The following CFTR variants were observed in gnomAD, a reference collection of about 807,000 sequenced individuals.
CFTR encodes CF transmembrane conductance regulator.
Under a neutral mutation model 171.6 loss-of-function variants are expected in CFTR, and 181 were observed. That is an observed-to-expected ratio of 1.05 (90% CI 0.93 to 1.19). CFTR has a LOEUF of 1.19. Among genes scored for constraint, CFTR ranks in the 50% most tolerant of loss-of-function variants. The probability of loss-of-function intolerance (pLI) is 0.00; values close to 1 mark genes in which losing one functional copy is unlikely to be tolerated. For missense variants in CFTR, 1,968 were observed against 1,734.7 expected (o/e 1.13, Z -2.39); for synonymous variants, 583 against 608.0 (o/e 0.96, Z 0.60).
rs1267579802 is a variant in CFTR, at chr7:117,534,315, A to G, written c.529A>G (p.Ile177Val). ...LSSRVLDKIS[I>V]GQLVSLLSNN... ...AAGCCGTGTTCTAGATAAAATAAGT[A>G]TTGGACAACTTGTTAGTCTCCTTTC... is the stretch of plus-strand genomic sequence containing the variant. The change falls in exon 5 of 27, where the codon ATT becomes GTT. Residue 177 changes from isoleucine to valine, a missense_variant. Transcript: ENST00000003084. 6.2e-7 allele frequency: 1 copy of G among 1,605,436 alleles called. No individual in the cohort carries two copies. Among genetic ancestry groups the G allele is most frequent in the South Asian group, 1.1e-5 (1 of 90,908 alleles).
chr7:117,667,093 A>C lies in CFTR; in HGVS notation c.4428A>C (p.Gln1476His), dbSNP rs1233730802. ...AAGAGGAGACAGAAGAAGAGGTGCA[A>C]GATACAAGGCTTTAGAGAGCAGCAT... ...ALKEETEEEV[Q>H]DTRL is the part of the protein sequence containing the mutation. The change falls in exon 27 of 27, where the codon CAA (glutamine) becomes CAC (histidine). Residue 1476 changes from glutamine to histidine, a missense_variant. Gln to His is a conservative substitution (Grantham distance 24). Coordinates refer to ENST00000003084, the MANE Select transcript of CFTR (RefSeq NM_000492.4). 1 of 1,613,844 alleles carries C rather than the reference A, an allele frequency of 6.2e-7. No homozygotes were observed. Among genetic ancestry groups the C allele is most frequent in the African/African-American group, 1.3e-5 (1 of 74,920 alleles).
chr7:117,649,185 C>T (rs930205245), intron 23 of CFTR, among the ~76,000 whole-genome samples: 3 of 150,998 alleles, frequency 2.0e-5, no homozygotes, highest in South Asian at 2.1e-4. Flanking sequence ...TTATAAAGAA[C>T]GATCAAAATT....
chr7:117,559,306 T>C (rs1424109332), intron 10 of CFTR, among the ~76,000 whole-genome samples, 158 bp from the exon 11 acceptor site: 1 of 152,186 alleles, frequency 6.6e-6, no homozygotes, highest in Non-Finnish European at 1.5e-5. Context: ...CATAGCAGAG[T>C]ACCTGAAACA....
intron 3 of CFTR, among the ~76,000 whole-genome samples, chr7:117,518,603 C>T (rs1798637688): frequency 6.8e-6 from 1 of 146,858 alleles, no homozygotes; most frequent in East Asian, 2.0e-4. Flanking sequence ...TGTTTTCTGC[C>T]TTTCATTTTT....
intron 11 of CFTR, among the ~76,000 whole-genome samples, chr7:117,577,671 C>T (rs1025342): frequency 0.2 from 29,719 of 151,968 alleles, 5,225 homozygotes; most frequent in African/African-American, 0.47. Context: ...CAAGAACTTA[C>T]CACAGCTGCT....
chr7:117,572,033 G>T (rs1791698740), intron 11 of CFTR, among the ~76,000 whole-genome samples: 1 of 151,964 alleles, frequency 6.6e-6, no homozygotes, highest in Non-Finnish European at 1.5e-5. Context: ...ACGGAGTCCT[G>T]CTCTGTTGTC....
intron 11 of CFTR, among the ~76,000 whole-genome samples, chr7:117,584,124 C>T (rs189013317): frequency 1.2e-3 from 179 of 152,080 alleles, no homozygotes; most frequent in African/African-American, 4.0e-3. Flanking sequence ...TGTAGGTTGT[C>T]TGTTTACCAT....
intron 3 of CFTR, among the ~76,000 whole-genome samples, chr7:117,514,497 T>C (rs1798568988): frequency 2.0e-5 from 3 of 152,224 alleles, no homozygotes; most frequent in African/African-American, 7.2e-5. Flanking sequence ...CTCATTCCTT[T>C]TTATGGCTGC....
rs1799119111 is a variant in CFTR, at chr7:117,545,176, A to C, written c.1209+3068A>C. 2.0e-5 allele frequency among the ~76,000 whole-genome samples: 3 copies of C among 152,220 alleles called. No individual in the cohort carries two copies. In the South Asian group the frequency reaches 6.2e-4, roughly 31 times the overall value. ...ATAAGAGCATAGAACTTGTGCAGGG[A>C]AACTTCCCTTTATTAAACCACCAGG... On this transcript the variant is annotated intron_variant, in intron 9 of 26. Coordinates refer to ENST00000003084, the MANE Select transcript of CFTR (RefSeq NM_000492.4).
chr7:117,595,158 T>C (rs1030888453), intron 15 of CFTR, 100 bp downstream of exon 15: 2 of 880,570 alleles, frequency 2.3e-6, no homozygotes, highest in Admixed American at 3.8e-5. Flanking sequence ...TATGTATATA[T>C]ACACATGTAT....
intron 11 of CFTR, among the ~76,000 whole-genome samples, chr7:117,561,301 A>G (rs1423679828): frequency 6.8e-6 from 1 of 146,924 alleles, no homozygotes; most frequent in Non-Finnish European, 1.5e-5. Flanking sequence ...GGAGAAGAGG[A>G]AGAACATCTT....
chr7:117,654,346 A>G (rs921954886), intron 24 of CFTR, among the ~76,000 whole-genome samples: 2 of 152,076 alleles, frequency 1.3e-5, no homozygotes, highest in Non-Finnish European at 2.9e-5. Flanking sequence ...CCATCCCCCT[A>G]CAGTTGTGCT....
At chr7:117,515,417 C>T (rs1798582253) in intron 3 of CFTR, among the ~76,000 whole-genome samples, 1 of 152,066 alleles carries the variant, frequency 6.6e-6, no homozygotes, top group Non-Finnish European at 1.5e-5. Context: ...AGATCTTTTC[C>T]TCATTGCTTG....
chr7:117,548,470 G>A (rs951461493), intron 9 of CFTR, among the ~76,000 whole-genome samples, 171 bp from the exon 10 acceptor site: 3 of 151,740 alleles, frequency 2.0e-5, no homozygotes, highest in East Asian at 1.9e-4. Flanking sequence ...TCTAGAAACC[G>A]TATGCTATAT....
chr7:117,596,667 C>T (rs1322975181), intron 15 of CFTR, among the ~76,000 whole-genome samples: 13 of 151,838 alleles, frequency 8.6e-5, no homozygotes, highest in Non-Finnish European at 1.5e-5. Context: ...GGTTTGTAAA[C>T]ACACCAATCA....
At chr7:117,582,363 C>A (rs1791861219) in intron 11 of CFTR, among the ~76,000 whole-genome samples, 1 of 152,140 alleles carries the variant, frequency 6.6e-6, no homozygotes, top group Admixed American at 6.5e-5. Context: ...GTTTACATGA[C>A]ATCTGATAGC....
chr7:117,480,774 T>C (rs1291396432), intron 1 of CFTR, among the ~76,000 whole-genome samples: 2 of 152,220 alleles, frequency 1.3e-5, no homozygotes, highest in Non-Finnish European at 2.9e-5. Context: ...TAGGAATAGA[T>C]ACCGAAGTTA....
chr7:117,591,105 A>T (rs1185996175), intron 13 of CFTR, among the ~76,000 whole-genome samples: 1 of 152,158 alleles, frequency 6.6e-6, no homozygotes, highest in African/African-American at 2.4e-5. Flanking sequence ...TAAGCAATAA[A>T]GATGTATATG....
intron 3 of CFTR, among the ~76,000 whole-genome samples, chr7:117,514,415 T>C (rs1043862081): frequency 1.3e-5 from 2 of 152,266 alleles, no homozygotes; most frequent in Admixed American, 1.3e-4. Context: ...GGTGTTTGAT[T>C]TTCTGTTCCT....
Sources: gnomAD v4.1 joint callset for allele counts (sites outside exome capture counted in the v4.1 genomes callset) on GRCh38, gnomAD v4.1.1 for gene constraint, MANE v1.5 for transcripts, NCBI Gene and HGNC (gene_info 2026-07-23, HGNC 2026-07-21) for gene names.